Variants in CDK11B observed in about 807,000 individuals in gnomAD.
CDK11B encodes cyclin dependent kinase 11B, also known as cyclin-dependent kinase 11B.
CDK11B carries 37 observed loss-of-function variants against 84.0 expected under a neutral mutation model. That is an observed-to-expected ratio of 0.44 (90% CI 0.34 to 0.58). The LOEUF (loss-of-function observed/expected upper bound fraction) is 0.58. Among genes scored for constraint, CDK11B ranks in the 20% least tolerant of loss-of-function variants. The probability of loss-of-function intolerance (pLI) is 0.02; values close to 1 mark genes in which losing one functional copy is unlikely to be tolerated. For synonymous variants in CDK11B, 269 were observed against 309.8 expected, an observed-to-expected ratio of 0.87 and a Z score of 1.38; for missense variants, 427 against 834.0, an observed-to-expected ratio of 0.51 and a Z score of 6.01.
intron 3 of CDK11B, among the ~76,000 whole-genome samples, chr1:1,652,989 C>T (rs1407272835): frequency 6.6e-6 from 1 of 151,974 alleles, no homozygotes; most frequent in Middle Eastern, 3.5e-3. Context: ...TCCCAAAGTG[C>T]TGGGATTACA....
intron 5 of CDK11B, chr1:1,646,725 C>T (rs1557695455): frequency 1.9e-6 from 1 of 519,918 alleles, no homozygotes; most frequent in Non-Finnish European, 3.9e-6. Context: ...TCCCACCAGT[C>T]TCTGCTTCTC....
chr1:1,654,975 C>G (rs1303926701), intron 3 of CDK11B, among the ~76,000 whole-genome samples: 1 of 151,970 alleles, frequency 6.6e-6, no homozygotes, highest in South Asian at 2.1e-4. Context: ...CCTTTTAAGA[C>G]GGGGTTTCAC....
chr1:1,647,788 C>G (rs1238262953), intron 5 of CDK11B, among the ~76,000 whole-genome samples: 1 of 152,210 alleles, frequency 6.6e-6, no homozygotes. Flanking sequence ...GCCTTTTCTT[C>G]CTCCCTCCAC....
At chr1:1,641,280 G>A (rs1219874935) in intron 9 of CDK11B, among the ~76,000 whole-genome samples, 167 bp from the exon 10 acceptor site, 1 of 146,870 alleles carries the variant, frequency 6.8e-6, no homozygotes, top group African/African-American at 2.4e-5. Flanking sequence ...AGGCCAAGGC[G>A]GGTGGATCAC....
chr1:1,636,699 T>C lies in CDK11B; in HGVS notation c.1900A>G (p.Ile634Val), dbSNP rs1329733028. Residue 634 changes from isoleucine (I) to valine (V), a missense_variant, in exon 17 of 20, where the codon ATC becomes GTC. Ile to Val is a conservative substitution (Grantham distance 29). Transcript: ENST00000341832. The part of the protein sequence containing the change: ...LFPGKSEIDQ[I>V]NKVFKDLGTP... ...AGACCCACCTTGAACACCTTGTTGA[T>C]CTGATCGATTTCTGACTTCCCGGGG... 1.8e-5 allele frequency: 29 copies of C among 1,613,856 alleles called. No individual in the cohort carries two copies. The highest frequency in any genetic ancestry group is 2.3e-5 in the Non-Finnish European group (27 of 1,179,872).
chr1:1,651,240 G>A (rs1641962726), intron 4 of CDK11B, among the ~76,000 whole-genome samples: 1 of 152,160 alleles, frequency 6.6e-6, no homozygotes, highest in Non-Finnish European at 1.5e-5. Flanking sequence ...GTTGAATTCA[G>A]GTCATTTTAA....
At chr1:1,654,204 G>A (rs1334081631) in intron 3 of CDK11B, 1 of 454,820 alleles carries the variant, frequency 2.2e-6, no homozygotes, top group African/African-American at 2.0e-5. Flanking sequence ...AGCTAGATAT[G>A]AGAAGAAAAC....
chr1:1,640,716 G>A (rs2100749682), intron 10 of CDK11B, among the ~76,000 whole-genome samples: 1 of 152,338 alleles, frequency 6.6e-6, no homozygotes, highest in South Asian at 2.1e-4. Flanking sequence ...ACCAGGCTGA[G>A]GACATAACCT....
intron 4 of CDK11B, among the ~76,000 whole-genome samples, chr1:1,650,268 C>CAAAAAAAAAAAAAAAAAAAAAAAAAAAAA (rs1212256890): frequency 1.3e-4 from 6 of 45,804 alleles, no homozygotes; most frequent in Admixed American, 2.4e-4. Context: ...GACTCCGTCC[C>CAAAAAAAAAAAAAAAAAAAAAAAAAAAAA]AAAAAAAAAA....
chr1:1,657,548 G>T (rs1284959992), intron 1 of CDK11B, 50 bp from the exon 2 acceptor site: 1 of 1,268,338 alleles, frequency 7.9e-7, no homozygotes, highest in East Asian at 2.5e-5. Context: ...GCAAGCTATG[G>T]TGCTGAACAC....
chr1:1,639,870 G>A (rs1416118489), intron 11 of CDK11B, among the ~76,000 whole-genome samples: 2 of 151,998 alleles, frequency 1.3e-5, no homozygotes, highest in African/African-American at 4.8e-5. Context: ...ACTGACTCCC[G>A]TAGCCGCTCC....
In CDK11B at chr1:1,643,184, C is replaced by CT. The variant is rs546704380; in HGVS notation, c.632-677dup. Among the ~76,000 whole-genome samples the CT allele has an allele frequency of 5.5e-3, 455 of 82,290 alleles. 5 individuals are homozygous for CT. Among genetic ancestry groups the CT allele is most frequent in the African/African-American group, 0.03 (419 of 14,120 alleles). The allele number at this position is 82,290 out of a possible 152,430, so 54.0% of individuals were successfully genotyped here. ...CCCCCTTCATTTCTCTCTATTCCCC[C>CT]TTTAGGAGGCAGACACTTCAGGACA... On this transcript the variant is annotated intron_variant, in intron 6 of 19. Coordinates refer to ENST00000341832, the MANE Select transcript of CDK11B (RefSeq NM_033486.3).
intron 10 of CDK11B, 57 bp downstream of exon 10, chr1:1,640,991 G>C (rs1640205202): frequency 6.3e-7 from 1 of 1,593,260 alleles, no homozygotes; most frequent in Non-Finnish European, 8.5e-7. Context: ...CTTAGGAGAG[G>C]GCTGCTGCAC....
chr1:1,637,093 G>T lies in CDK11B; in HGVS notation c.1680C>A (p.Ala560=). 3.7e-6 allele frequency: 6 copies of T among 1,613,618 alleles called. No individual in the cohort carries two copies. Among genetic ancestry groups the T allele is most frequent in the Non-Finnish European group, 4.2e-6 (5 of 1,179,852 alleles). ...LKTSNLLLSH[A]GILKVGDFGL... ...GAGGGGGGCTCACCTTGAGGATGCC[G>T]GCGTGGCTCAGCAGCAGGTTGGACG... Residue 560 remains alanine (A), a synonymous_variant, in exon 15 of 20, where the codon GCC becomes GCA. Coordinates refer to ENST00000341832, the MANE Select transcript of CDK11B (RefSeq NM_033486.3).
At chr1:1,651,413 T>G (rs2100949601) in intron 4 of CDK11B, among the ~76,000 whole-genome samples, 1 of 151,504 alleles carries the variant, frequency 6.6e-6, no homozygotes, top group East Asian at 2.0e-4. Flanking sequence ...AGCTGGAGTT[T>G]GCTCTCTGTA....
Position 1,639,198 on chromosome 1 carries a change from C to G in CDK11B, c.1252-608G>C, listed in dbSNP as rs183181530. ...TCTGATCCGCCCACCGCCTCGGCCTCCAAAAGTGCTGGGATTACAGGTGTG... is the reference window on the plus strand; with the variant it reads ...TCTGATCCGCCCACCGCCTCGGCCTGCAAAAGTGCTGGGATTACAGGTGTG... On this transcript the variant is annotated intron_variant, in intron 11 of 19. Transcript: ENST00000341832. Among the ~76,000 whole-genome samples, 87 of 151,862 alleles carry G rather than the reference C, an allele frequency of 5.7e-4. 1 individual carries two copies. Among genetic ancestry groups the G allele is most frequent in the African/African-American group, 2.1e-3 (85 of 41,388 alleles).
At position 1,649,496 on chromosome 1, in the gene CDK11B, C is replaced by A. The variant is rs1287624275; in HGVS notation, c.494+3G>T. 3.8e-6 allele frequency: 6 copies of A among 1,575,752 alleles called. No individual in the cohort carries two copies. In the East Asian group the frequency reaches 1.1e-4, roughly 29 times the overall value. On this transcript the variant is annotated splice_donor_region_variant and intron_variant, in intron 5 of 19. Coordinates refer to ENST00000341832, the MANE Select transcript of CDK11B (RefSeq NM_033486.3). ...AAGTCCTCAACTGACCCAGCCGACT[C>A]ACCTTTCTCTCCTGGAATGCTCCCT... is the stretch of plus-strand genomic sequence containing the variant.
At chr1:1,656,081 C>G (rs1642710375) in intron 2 of CDK11B, among the ~76,000 whole-genome samples, 1 of 152,200 alleles carries the variant, frequency 6.6e-6, no homozygotes. Flanking sequence ...AAACCAAATA[C>G]TTTGTGATAC....
chr1:1,638,467 C>A (rs1339138066), intron 12 of CDK11B, 33 bp downstream of exon 12: 4 of 989,732 alleles, frequency 4.0e-6, no homozygotes, highest in Non-Finnish European at 6.4e-6. Flanking sequence ...CCCCACTTCC[C>A]CTGCCTTTGT....
Sources: allele counts gnomAD v4.1 joint callset (sites outside exome capture counted in the v4.1 genomes callset), GRCh38; gene constraint gnomAD v4.1.1; transcripts MANE v1.5; gene names NCBI Gene and HGNC (gene_info 2026-07-23, HGNC 2026-07-21).